Variants in PDZRN3 observed in about 807,000 individuals in gnomAD.
PDZRN3 encodes E3 ubiquitin-protein ligase PDZRN3.
A neutral mutation model predicts 85.7 loss-of-function variants in PDZRN3; 38 were observed. The observed-to-expected ratio is 0.44, with a 90% CI of 0.34 to 0.58. The LOEUF is 0.58. PDZRN3 is among the 20% of genes least tolerant of loss of function. PDZRN3 has a pLI of 0.01. For synonymous variants in PDZRN3, 759 were observed against 638.0 expected (o/e 1.19, Z -2.86); for missense variants, 1,629 against 1,506.4 (o/e 1.08, Z -1.35).
intron 3 of PDZRN3, among the ~76,000 whole-genome samples, chr3:73,447,505 C>A (rs1408151160): frequency 6.6e-6 from 1 of 152,150 alleles, no homozygotes; most frequent in Middle Eastern, 3.2e-3. Flanking sequence ...TCACCTCCAC[C>A]CATTCTCTTT....
intron 3 of PDZRN3, chr3:73,433,933 CACACACACAT>C: frequency 7.1e-7 from 1 of 1,409,074 alleles, no homozygotes; most frequent in Non-Finnish European, 9.2e-7. Flanking sequence ...CGCGTGCACA[CACACACACAT>C]ACACACAGAC....
rs558104491 is a variant in PDZRN3 at position 73,474,371 on chromosome 3, C to T, written c.919-69976G>A. 247 of 739,156 alleles carry T rather than the reference C, an allele frequency of 3.3e-4. 3 individuals are homozygous for T. In the South Asian group the frequency reaches 4.3e-3, roughly 13 times the overall value. 45.8% of individuals were successfully genotyped at this position (739,156 alleles called of 1,614,324 possible). On this transcript the variant is annotated intron_variant, in intron 3 of 9. Coordinates refer to ENST00000263666, the MANE Select transcript of PDZRN3 (RefSeq NM_015009.3). The stretch of plus-strand genomic sequence containing the variant: ...TATGCAGTATTTCTAAAGCAAACTG[C>T]TATCGGTGGTGTATAATGAGCAAAT...
chr3:73,518,785 T>TA (rs1426863941), intron 3 of PDZRN3, among the ~76,000 whole-genome samples: 1 of 152,146 alleles, frequency 6.6e-6, no homozygotes, highest in Non-Finnish European at 1.5e-5. Flanking sequence ...GGGCCTCCTT[T>TA]ATAATCACTA....
chr3:73,557,528 C>T (rs1201254945), intron 3 of PDZRN3, among the ~76,000 whole-genome samples: 1 of 152,106 alleles, frequency 6.6e-6, no homozygotes, highest in Non-Finnish European at 1.5e-5. Flanking sequence ...ACTTTAAATC[C>T]AAGGCCTCAT....
intron 3 of PDZRN3, among the ~76,000 whole-genome samples, chr3:73,591,079 T>C (rs1409670801): frequency 2.0e-5 from 3 of 152,228 alleles, no homozygotes; most frequent in African/African-American, 7.2e-5. Context: ...TATGTCTTAT[T>C]GTATTTTTCA....
intron 5 of PDZRN3, among the ~76,000 whole-genome samples, chr3:73,393,673 A>G (rs1374321228): frequency 5.9e-5 from 9 of 152,144 alleles, no homozygotes; most frequent in Non-Finnish European, 1.0e-4. Context: ...ATACACTTCT[A>G]GATTTGAGTG....
chr3:73,545,195 C>A (rs1186476322), intron 3 of PDZRN3, among the ~76,000 whole-genome samples: 2 of 152,184 alleles, frequency 1.3e-5, no homozygotes, highest in Non-Finnish European at 2.9e-5. Flanking sequence ...GAAGCCCCCA[C>A]CACGACGGAT....
intron 3 of PDZRN3, among the ~76,000 whole-genome samples, chr3:73,598,757 G>A (rs76174969): frequency 0.15 from 22,269 of 152,124 alleles, 1,701 homozygotes; most frequent in African/African-American, 0.18. Flanking sequence ...CCAAATAGGG[G>A]ACATCATGTA....
intron 1 of PDZRN3, among the ~76,000 whole-genome samples, chr3:73,613,051 A>G (rs1266555558): frequency 6.6e-6 from 1 of 152,246 alleles, no homozygotes; most frequent in Non-Finnish European, 1.5e-5. Flanking sequence ...ACTTAGGCTA[A>G]AGCAAGTTTG....
intron 5 of PDZRN3, among the ~76,000 whole-genome samples, chr3:73,394,941 A>AGTT (rs1701605358): frequency 2.0e-5 from 3 of 152,032 alleles, no homozygotes; most frequent in African/African-American, 7.2e-5. Context: ...AGATTACAGT[A>AGTT]AGGCAATAGT....
rs1471691531 is a variant in PDZRN3, at chr3:73,488,529, G to A, written c.919-84134C>T. Reference sequence around the variant, plus strand: ...GCTACCTTCTCATAGCTTGGGACTTGGCTTCAATGACTTGTCATCCAAGAA... The same window carrying A: ...GCTACCTTCTCATAGCTTGGGACTTAGCTTCAATGACTTGTCATCCAAGAA... On this transcript the variant is annotated intron_variant, in intron 3 of 9. Transcript: ENST00000263666. Among the ~76,000 whole-genome samples, 3 of 152,148 alleles carry A rather than the reference G, an allele frequency of 2.0e-5. No individual in the cohort carries two copies. The East Asian group carries it at 5.8e-4, about 29-fold the overall frequency.
intron 3 of PDZRN3, among the ~76,000 whole-genome samples, chr3:73,558,449 G>A (rs913390376): frequency 2.6e-5 from 4 of 152,094 alleles, no homozygotes; most frequent in Non-Finnish European, 5.9e-5. Flanking sequence ...CTCAAGTTAT[G>A]GTATCTACTC....
intron 3 of PDZRN3, among the ~76,000 whole-genome samples, chr3:73,409,645 C>G (rs141265655): frequency 2.6e-5 from 4 of 152,212 alleles, no homozygotes; most frequent in African/African-American, 9.6e-5. Context: ...AGACTACACA[C>G]GATGGAATGC....
chr3:73,385,358 G>C (rs1355597424), intron 9 of PDZRN3, among the ~76,000 whole-genome samples: 1 of 152,234 alleles, frequency 6.6e-6, no homozygotes, highest in East Asian at 1.9e-4. Flanking sequence ...AGAGGGGATT[G>C]CTTTACTTTG....
chr3:73,544,121 G>A (rs1701360021), intron 3 of PDZRN3, among the ~76,000 whole-genome samples: 1 of 152,216 alleles, frequency 6.6e-6, no homozygotes. Flanking sequence ...CCTGTGGCAG[G>A]AGAATTGCTT....
At chr3:73,478,327 A>G (rs1364212164) in intron 3 of PDZRN3, among the ~76,000 whole-genome samples, 1 of 152,078 alleles carries the variant, frequency 6.6e-6, no homozygotes, top group Admixed American at 6.6e-5. Flanking sequence ...CTGTCAGATC[A>G]GCAGCGACAT....
At position 73,558,597 on chromosome 3, in the gene PDZRN3, C is replaced by G. The variant is rs80005092; in HGVS notation, c.918+43757G>C. Reference sequence around the variant, plus strand: ...TCCCCTTCCTCCTCTTTTTCCTGTTCGGTCCCGCTCCCTGGGTCAGGGGCT... The same window carrying G: ...TCCCCTTCCTCCTCTTTTTCCTGTTGGGTCCCGCTCCCTGGGTCAGGGGCT... On this transcript the variant is annotated intron_variant, in intron 3 of 9. Coordinates refer to ENST00000263666, the MANE Select transcript of PDZRN3 (RefSeq NM_015009.3). Among the ~76,000 whole-genome samples, 235 of 152,264 alleles carry G rather than the reference C, an allele frequency of 1.5e-3. 5 individuals carry two copies. In the East Asian group the frequency reaches 0.04, roughly 26 times the overall value.
intron 3 of PDZRN3, among the ~76,000 whole-genome samples, chr3:73,446,540 T>C (rs1702751430): frequency 6.6e-6 from 1 of 152,048 alleles, no homozygotes; most frequent in African/African-American, 2.4e-5. Flanking sequence ...CCTGAAAAAA[T>C]TATTAGACAT....
chr3:73,403,562 C>T (rs908106796), intron 4 of PDZRN3, among the ~76,000 whole-genome samples: 1 of 152,210 alleles, frequency 6.6e-6, no homozygotes, highest in African/African-American at 2.4e-5. Flanking sequence ...TCAGGTTTGT[C>T]TGACTTGAAG....
Sources: gnomAD v4.1 joint callset for allele counts (sites outside exome capture counted in the v4.1 genomes callset) on GRCh38, gnomAD v4.1.1 for gene constraint, MANE v1.5 for transcripts, NCBI Gene and HGNC (gene_info 2026-07-23, HGNC 2026-07-21) for gene names.